Variants in NR5A2 observed in about 807,000 individuals in gnomAD.
NR5A2 encodes the protein CYP7A promoter-binding factor.
Under a neutral mutation model 62.7 loss-of-function variants are expected in NR5A2, and 26 were observed. The observed-to-expected ratio is 0.41, with a 90% CI of 0.30 to 0.58. NR5A2 has a LOEUF of 0.58. Among genes scored for constraint, NR5A2 ranks in the 20% least tolerant of loss-of-function variants. The pLI is 0.22. For missense variants in NR5A2, 541 were observed against 669.1 expected (o/e 0.81, Z 2.11); for synonymous variants, 246 against 241.7 (o/e 1.02, Z -0.16).
At chr1:200,144,221 TCTCTCTCTCTCTCA>T (rs1268220951) in intron 7 of NR5A2, among the ~76,000 whole-genome samples, 32 of 39,108 alleles carry the variant, frequency 8.2e-4, no homozygotes, top group African/African-American at 1.6e-3. Flanking sequence ...TGTTTCTCTC[TCTCTCTCTCTCTCA>T]CACACACACA....
chr1:200,108,123 T>TGTGTGTGTGTGTGTGTGTGTGTG (rs1553273271), intron 5 of NR5A2, among the ~76,000 whole-genome samples: 1 of 151,742 alleles, frequency 6.6e-6, no homozygotes, highest in African/African-American at 2.4e-5. Context: ...TGTCAGGGTC[T>TGTGTGTGTGTGTGTGTGTGTGTG]TGCTCTGTCA....
chr1:200,175,410 C>T lies in NR5A2; in HGVS notation c.*1200C>T, dbSNP rs1382993375. 6.6e-6 allele frequency: 1 copy of T among 152,658 alleles called. No individual in the cohort carries two copies. Among genetic ancestry groups the T allele is most frequent in the Non-Finnish European group, 1.5e-5 (1 of 68,038 alleles). The allele number at this position is 152,658 out of a possible 1,614,324, so 9.5% of individuals were successfully genotyped here. ...GGGGAAAGGAAGAGAGTGATACTGACCTTTTTAAGTCATAGACCAAAGTCT... is the reference window on the plus strand; with the variant it reads ...GGGGAAAGGAAGAGAGTGATACTGATCTTTTTAAGTCATAGACCAAAGTCT... On this transcript the variant is annotated 3_prime_UTR_variant, in exon 8 of 8. Transcript: ENST00000367362.
At chr1:200,073,225 C>T (rs1342353778) in intron 5 of NR5A2, among the ~76,000 whole-genome samples, 1 of 111,550 alleles carries the variant, frequency 9.0e-6, no homozygotes, top group Non-Finnish European at 1.7e-5. Flanking sequence ...TTGGTCAAAG[C>T]ATTTACATAC....
intron 5 of NR5A2, among the ~76,000 whole-genome samples, chr1:200,085,621 T>G (rs1664485011): frequency 6.7e-6 from 1 of 149,994 alleles, no homozygotes. Flanking sequence ...AGAGATGGAT[T>G]AGAGATGGTG....
At chr1:200,106,668 T>C (rs1329223927) in intron 5 of NR5A2, among the ~76,000 whole-genome samples, 6 of 152,224 alleles carry the variant, frequency 3.9e-5, no homozygotes, top group Non-Finnish European at 8.8e-5. Context: ...AATTGTTTAT[T>C]GACAGCATTA....
chr1:200,052,936 G>A lies in NR5A2; in HGVS notation c.1110+4118G>A, dbSNP rs543224709. Among the ~76,000 whole-genome samples the A allele has an allele frequency of 1.9e-4, 29 of 152,188 alleles. No homozygotes were observed. The South Asian group carries it at 2.1e-3, about 11-fold the overall frequency. ...ATTATAGGCATGAGCCACCGCACCC[G>A]GCCTACCTCTTGCTCACTCTCTCAG... On this transcript the variant is annotated intron_variant, in intron 5 of 7. Coordinates refer to ENST00000367362, the MANE Select transcript of NR5A2 (RefSeq NM_205860.3).
In NR5A2 at chr1:200,073,657, G is replaced by C. The variant is rs542716893; in HGVS notation, c.1110+24839G>C. ...TGAATCCACGGATGTAGAAGATACA[G>C]AATCACAGATACGTAGGCCCCACTG... On this transcript the variant is annotated intron_variant, in intron 5 of 7. Coordinates refer to ENST00000367362, the MANE Select transcript of NR5A2 (RefSeq NM_205860.3). Among the ~76,000 whole-genome samples, 5 of 151,844 alleles carry C rather than the reference G, an allele frequency of 3.3e-5. No homozygotes were observed. In the South Asian group the frequency reaches 8.3e-4, roughly 25 times the overall value.
At chr1:200,113,607 G>A (rs1365245257) in intron 6 of NR5A2, among the ~76,000 whole-genome samples, 3 of 152,124 alleles carry the variant, frequency 2.0e-5, no homozygotes, top group African/African-American at 7.2e-5. Flanking sequence ...CTAGCACAAA[G>A]CTGAATATGT....
intron 7 of NR5A2, among the ~76,000 whole-genome samples, chr1:200,138,799 A>C (rs565293527): frequency 1.3e-5 from 2 of 152,188 alleles, no homozygotes; most frequent in African/African-American, 4.8e-5. Context: ...TGCTAATCTC[A>C]CATGTTTTAT....
At chr1:200,099,728 G>A (rs1393743644) in intron 5 of NR5A2, among the ~76,000 whole-genome samples, 1 of 152,072 alleles carries the variant, frequency 6.6e-6, no homozygotes, top group Non-Finnish European at 1.5e-5. Context: ...CAAATAGCTG[G>A]GACTACAGGC....
intron 5 of NR5A2, among the ~76,000 whole-genome samples, chr1:200,104,361 T>G (rs1571482835): frequency 1.3e-5 from 2 of 152,308 alleles, no homozygotes; most frequent in East Asian, 3.9e-4. Flanking sequence ...ATTATAGAGG[T>G]TGCAGATAAT....
chr1:200,039,714 A>T lies in NR5A2; in HGVS notation c.121A>T (p.Met41Leu), dbSNP rs770878444. 10 of 1,611,840 alleles carry T rather than the reference A, an allele frequency of 6.2e-6. No individual in the cohort carries two copies. In the East Asian group the frequency reaches 2.0e-4, roughly 33 times the overall value. Reference protein sequence around the residue: ...SPIPARGRLVMLPKVETEALG... With the variant: ...SPIPARGRLVLLPKVETEALG... ...CATCCCCGCCCGCGGTCGCCTTGTC[A>T]TGCTGCCCAAAGTGGAGACGGAAGC... Residue 41 changes from methionine to leucine, a missense_variant, in exon 2 of 8, where the codon ATG (methionine) becomes TTG (leucine). By Grantham distance (15) the Met-to-Leu change is conservative. Transcript: ENST00000367362. This position sits in a 1 kb window ranked among gnomAD's most constrained non-coding sequence, Gnocchi z 5.1.
At chr1:200,078,904 C>G (rs1418014913) in intron 5 of NR5A2, among the ~76,000 whole-genome samples, 1 of 152,162 alleles carries the variant, frequency 6.6e-6, no homozygotes. Flanking sequence ...TTTAAGTACT[C>G]AGGCTGACAA....
chr1:200,036,057 G>A (rs893005797), intron 1 of NR5A2, among the ~76,000 whole-genome samples: 1 of 152,146 alleles, frequency 6.6e-6, no homozygotes, highest in Non-Finnish European at 1.5e-5. Context: ...TTGCTAAGAT[G>A]TCCCCGGCGG....
chr1:200,165,109 T>C (rs1653836431), intron 7 of NR5A2, among the ~76,000 whole-genome samples: 1 of 152,008 alleles, frequency 6.6e-6, no homozygotes, highest in Non-Finnish European at 1.5e-5. Context: ...ACTCCTGACC[T>C]CAGGTGATCT....
chr1:200,124,885 G>A (rs968637467), intron 7 of NR5A2, among the ~76,000 whole-genome samples: 1 of 152,122 alleles, frequency 6.6e-6, no homozygotes, highest in African/African-American at 2.4e-5. Flanking sequence ...CTGGGCAACG[G>A]ATTAAGATCC....
chr1:200,073,235 CATATATATAT>C lies in NR5A2; in HGVS notation c.1110+24434_1110+24443del, dbSNP rs3033980. Among the ~76,000 whole-genome samples the C allele has an allele frequency of 1.0e-4, 11 of 105,930 alleles. 2 individuals are homozygous for C. The highest frequency in any genetic ancestry group is 4.9e-4 in the Admixed American group (5 of 10,186). The allele number at this position is 105,930 out of a possible 152,430, so 69.5% of individuals were successfully genotyped here. A position where few individuals can be genotyped will look rare whatever the true frequency, so the allele number is the denominator to read the frequency against. The stretch of plus-strand genomic sequence containing the variant: ...TGACTTTGGTCAAAGCATTTACATA[CATATATATAT>C]ATATATATATATATATTCCCCTTTA... On this transcript the variant is annotated intron_variant, in intron 5 of 7. Transcript: ENST00000367362.
chr1:200,163,342 G>T (rs1000334720), intron 7 of NR5A2, among the ~76,000 whole-genome samples: 1 of 151,144 alleles, frequency 6.6e-6, no homozygotes, highest in African/African-American at 2.4e-5. Context: ...AAACAAAAAA[G>T]CTTATTCTCA....
At chr1:200,124,199 G>GA (rs1339692695) in intron 7 of NR5A2, among the ~76,000 whole-genome samples, 1 of 152,178 alleles carries the variant, frequency 6.6e-6, no homozygotes, top group Non-Finnish European at 1.5e-5. Context: ...AGTTGAGAGG[G>GA]AAAAGTCTAG....
Sources: allele counts gnomAD v4.1 joint callset (sites outside exome capture counted in the v4.1 genomes callset), GRCh38; gene constraint gnomAD v4.1.1; non-coding constraint Gnocchi (gnomAD v3.1); transcripts MANE v1.5; gene names NCBI Gene and HGNC (gene_info 2026-07-23, HGNC 2026-07-21).